Variants in RYR2 observed in about 807,000 individuals in gnomAD.
RYR2 encodes the protein cardiac muscle ryanodine receptor-calcium release channel.
A neutral mutation model predicts 601.1 loss-of-function variants in RYR2; 227 were observed. That is an observed-to-expected ratio of 0.38 (90% CI 0.34 to 0.42). The LOEUF (loss-of-function observed/expected upper bound fraction) is 0.42, where lower values mean the gene tolerates loss of function less well. Among genes scored for constraint, RYR2 ranks in the 10% least tolerant of loss-of-function variants. The pLI is 1.00. For synonymous variants in RYR2, 2,223 were observed against 2,175.1 expected (o/e 1.02, Z -0.61); for missense variants, 4,646 against 6,156.5 (o/e 0.75, Z 8.21).
intron 17 of RYR2, among the ~76,000 whole-genome samples, chr1:237,487,087 C>A (rs1339550812): frequency 1.3e-5 from 2 of 152,006 alleles, no homozygotes; most frequent in East Asian, 3.9e-4. Flanking sequence ...TTCCATAATA[C>A]TGTTATGATC....
At chr1:237,692,125 A>G (rs1686995911) in intron 63 of RYR2, among the ~76,000 whole-genome samples, 1 of 152,238 alleles carries the variant, frequency 6.6e-6, no homozygotes, top group Admixed American at 6.5e-5. Flanking sequence ...GGTGCTTATC[A>G]GAGTGCCTTA....
At chr1:237,680,252 C>T (rs1039458451) in intron 61 of RYR2, among the ~76,000 whole-genome samples, 11 of 152,092 alleles carry the variant, frequency 7.2e-5, no homozygotes, top group African/African-American at 2.7e-4. Flanking sequence ...TGCAAGTTTG[C>T]TCTGTTCACC....
chr1:237,253,118 C>T (rs1174514537), intron 1 of RYR2, among the ~76,000 whole-genome samples: 8 of 143,002 alleles, frequency 5.6e-5, no homozygotes, highest in Admixed American at 2.2e-4. Flanking sequence ...GAGCTGAGAT[C>T]GTGCCACTGC....
chr1:237,773,723 C>T, intron 87 of RYR2, 75 bp downstream of exon 87: 1 of 1,206,816 alleles, frequency 8.3e-7, no homozygotes, highest in Admixed American at 2.2e-5. Flanking sequence ...GAGTAGTTTC[C>T]ATATCTCCTA....
chr1:237,649,818 C>G, intron 49 of RYR2, 59 bp from the exon 50 acceptor site: 2 of 1,459,500 alleles, frequency 1.4e-6, no homozygotes, highest in South Asian at 2.4e-5. Flanking sequence ...ATGTTAATCC[C>G]TTTGAAGATT....
In RYR2 at chr1:237,699,006, G is replaced by T; in HGVS notation, c.9109G>T (p.Gly3037Cys). Residue 3037 changes from glycine (G) to cysteine (C), a missense_variant, in exon 64 of 105, where the codon GGT becomes TGT. Physicochemically the swap from Gly to Cys is radical, Grantham distance 159. Around this residue, in one of 17 missense-constraint regions of RYR2, gnomAD observed 1,497 missense variants for 1,842.6 expected, o/e 0.81. Transcript: ENST00000366574. ...AATTGTCAACTGTCTTCATATTTTG[G>T]GTCAGACTTTGGATGCAAGGTAAAT... ...TSIVNCLHIL[G>C]QTLDARTVMK... is the part of the protein sequence containing the mutation. 1 of 1,547,654 alleles carries T rather than the reference G, an allele frequency of 6.5e-7. No individual in the cohort carries two copies.
chr1:237,438,029 C>CA (rs35273807), intron 12 of RYR2, among the ~76,000 whole-genome samples: 85,700 of 151,824 alleles, frequency 0.56, 24,757 homozygotes, highest in East Asian at 0.71. Flanking sequence ...ATCTGATCTA[C>CA]AGATTGAAAA....
chr1:237,136,782 G>A (rs902453596), intron 1 of RYR2, among the ~76,000 whole-genome samples: 7 of 152,196 alleles, frequency 4.6e-5, no homozygotes, highest in Middle Eastern at 3.4e-3. Flanking sequence ...TTGGGAGGCC[G>A]AAGCAGGCAG....
intron 34 of RYR2, among the ~76,000 whole-genome samples, chr1:237,601,253 T>TA (rs1158330968): frequency 4.0e-5 from 6 of 151,876 alleles, no homozygotes; most frequent in Non-Finnish European, 7.4e-5. Flanking sequence ...TATTTGGTCA[T>TA]AAAAAAAATG....
At position 237,614,769 on chromosome 1, in the gene RYR2, G is replaced by A. The variant is rs766664692; in HGVS notation, c.5641G>A (p.Glu1881Lys). ...TGCAAAGCTGCAAGGAGCTGGTGAG[G>A]AAGAAGCCAAGGGGGGCAAGCGGCC... ...DDAKLQGAGEEEAKGGKRPKE... is the reference protein window; with the variant it reads ...DDAKLQGAGEKEAKGGKRPKE... The change falls in exon 37 of 105, where the codon GAA becomes AAA. Residue 1881 changes from glutamate to lysine, a missense_variant. Coordinates refer to ENST00000366574, the MANE Select transcript of RYR2 (RefSeq NM_001035.3). The surrounding 1 kb of genome is among the most constrained non-coding windows in gnomAD (Gnocchi z 4.3). 6.2e-7 allele frequency: 1 copy of A among 1,612,230 alleles called. No homozygotes were observed. The highest frequency in any genetic ancestry group is 8.5e-7 in the Non-Finnish European group (1 of 1,178,494).
At chr1:237,044,059 TA>T (rs1660253108) in intron 1 of RYR2, among the ~76,000 whole-genome samples, 1 of 152,202 alleles carries the variant, frequency 6.6e-6, no homozygotes, top group Non-Finnish European at 1.5e-5. Context: ...CACCATTGCA[TA>T]TGCTTTTTGA....
At chr1:237,633,207 G>A (rs1236209422) in intron 42 of RYR2, among the ~76,000 whole-genome samples, 1 of 152,118 alleles carries the variant, frequency 6.6e-6, no homozygotes, top group Non-Finnish European at 1.5e-5. Context: ...CTTACCTAAA[G>A]CAAGTATTAT....
intron 1 of RYR2, among the ~76,000 whole-genome samples, chr1:237,227,381 G>C (rs779875107): frequency 6.6e-6 from 1 of 152,200 alleles, no homozygotes; most frequent in Non-Finnish European, 1.5e-5. Context: ...CGTGAAAGCA[G>C]CCGTAGTCTA....
chr1:237,067,554 C>T (rs1178532047), intron 1 of RYR2, among the ~76,000 whole-genome samples: 5 of 152,152 alleles, frequency 3.3e-5, no homozygotes, highest in Middle Eastern at 6.3e-3. Flanking sequence ...TGTCAGGTAG[C>T]GTGTTTTCTC....
At chr1:237,656,481 G>A (rs1403293360) in intron 53 of RYR2, among the ~76,000 whole-genome samples, 1 of 152,146 alleles carries the variant, frequency 6.6e-6, no homozygotes, top group Non-Finnish European at 1.5e-5. Flanking sequence ...AATATCAAAT[G>A]AGAATTTTTA....
At chr1:237,270,638 C>T in intron 2 of RYR2, 22 bp downstream of exon 2, 1 of 1,559,600 alleles carries the variant, frequency 6.4e-7, no homozygotes, top group Non-Finnish European at 8.7e-7. Context: ...TCTTTCAAGG[C>T]TATTCAAATA....
rs557313062 is a variant in RYR2 at position 237,167,775 on chromosome 1, T to TGCAGTGGCTGTTTACAGATATGCTTATA, written c.49-102717_49-102690dup. Among the ~76,000 whole-genome samples the TGCAGTGGCTGTTTACAGATATGCTTATA allele has an allele frequency of 1.2e-3, 172 of 146,964 alleles. 1 individual carries two copies. The highest frequency in any genetic ancestry group is 4.3e-3 in the African/African-American group (170 of 39,604). ...TCTTGCTGTGTCACCCAGGCTGGAC[T>TGCAGTGGCTGTTTACAGATATGCTTATA]GCAGTGGCTGTTTACAGATATGCTT... On this transcript the variant is annotated intron_variant, in intron 1 of 104. Coordinates refer to ENST00000366574, the MANE Select transcript of RYR2 (RefSeq NM_001035.3).
In RYR2 at chr1:237,310,553, C is replaced by G. The variant is rs112752659; in HGVS notation, c.169-20325C>G. On this transcript the variant is annotated intron_variant, in intron 2 of 104. Transcript: ENST00000366574. ...TTTTCTTTTGCAACTTGTGGATTAC[C>G]ATACCCTACCTCTTTCCCCTCCAGC... 5.2e-3 allele frequency among the ~76,000 whole-genome samples: 793 copies of G among 152,148 alleles called. 12 individuals carry two copies. The highest frequency in any genetic ancestry group is 0.018 in the African/African-American group (756 of 41,492).
At chr1:237,708,818 G>C (rs1271896488) in intron 68 of RYR2, 40 bp from the exon 69 acceptor site, 1 of 1,550,956 alleles carries the variant, frequency 6.4e-7, no homozygotes, top group Non-Finnish European at 8.8e-7. Context: ...GTTAATGAAT[G>C]GTTTTACAGA....
Sources: gnomAD v4.1 joint callset for allele counts (sites outside exome capture counted in the v4.1 genomes callset) on GRCh38, gnomAD v4.1.1 for gene constraint, gnomAD v4.1.1 regional missense constraint, Gnocchi (gnomAD v3.1) non-coding constraint, MANE v1.5 for transcripts, NCBI Gene and HGNC (gene_info 2026-07-23, HGNC 2026-07-21) for gene names.